Variants in NHEJ1 observed in about 807,000 individuals in gnomAD.
NHEJ1 encodes the protein non-homologous end-joining factor 1.
NHEJ1 carries 22 observed loss-of-function variants against 39.4 expected under a neutral mutation model. The ratio of observed to expected loss-of-function variants is 0.56; its 90% CI spans 0.40 to 0.80. The LOEUF is 0.80. NHEJ1 is among the 30% of genes least tolerant of loss of function. The pLI is 0.00. For synonymous variants in NHEJ1, 154 were observed against 135.6 expected, an observed-to-expected ratio of 1.14 and a Z score of -0.94; for missense variants, 329 against 357.1, an observed-to-expected ratio of 0.92 and a Z score of 0.63.
rs1409326227 is a variant in NHEJ1 at position 219,159,516 on chromosome 2, TATATATATGC to T, written c.1-1164_1-1155del. The stretch of plus-strand genomic sequence containing the variant: ...CCTTGTGACTTGTGACATAACTTTA[TATATATATGC>T]ATATATATATGCATATATATATATG... On this transcript the variant is annotated intron_variant, in intron 1 of 7. Coordinates refer to ENST00000356853, the MANE Select transcript of NHEJ1 (RefSeq NM_024782.3). Among the ~76,000 whole-genome samples, 376 of 51,804 alleles carry T rather than the reference TATATATATGC, an allele frequency of 7.3e-3. 26 individuals are homozygous for T. The highest frequency in any genetic ancestry group is 0.019 in the African/African-American group (297 of 15,282). 34.0% of individuals were successfully genotyped at this position (51,804 alleles called of 152,430 possible). A position where few individuals can be genotyped will look rare whatever the true frequency, so the allele number is the denominator to read the frequency against.
At chr2:219,160,465 G>A (rs951982393) in intron 1 of NHEJ1, 1 of 152,234 alleles carries the variant, frequency 6.6e-6, no homozygotes, top group Non-Finnish European at 1.5e-5. Context: ...CAACAAAGCC[G>A]GCCACCAGCG....
Position 219,141,400 on chromosome 2 carries a change from G to T in NHEJ1, c.588+5280C>A, listed in dbSNP as rs377297340. Among the ~76,000 whole-genome samples, 130 of 151,250 alleles carry T rather than the reference G, an allele frequency of 8.6e-4. 1 individual carries two copies. Among genetic ancestry groups the T allele is most frequent in the Admixed American group, 1.3e-3 (20 of 15,174 alleles). ...GTCTCAAAAAAAAAAAGCAGGGGGGGAGTGGGGGAAAAGGGAGAGAAAAAT... is the reference window on the plus strand; with the variant it reads ...GTCTCAAAAAAAAAAAGCAGGGGGGTAGTGGGGGAAAAGGGAGAGAAAAAT... On this transcript the variant is annotated intron_variant, in intron 5 of 7. Coordinates refer to ENST00000356853, the MANE Select transcript of NHEJ1 (RefSeq NM_024782.3).
At chr2:219,132,491 C>T (rs72951791) in intron 5 of NHEJ1, among the ~76,000 whole-genome samples, 4,757 of 152,258 alleles carry the variant, frequency 0.031, 109 homozygotes, top group Non-Finnish European at 0.05. Context: ...TAGCTTTACC[C>T]ATATCAAATT....
At chr2:219,159,329 T>C (rs570301560) in intron 1 of NHEJ1, 2 of 152,020 alleles carry the variant, frequency 1.3e-5, no homozygotes, top group African/African-American at 4.8e-5. Context: ...GTGATTGTTT[T>C]TCCTGTGGGG....
intron 5 of NHEJ1, chr2:219,095,323 CG>C (rs1318107196): frequency 2.1e-6 from 1 of 470,902 alleles, no homozygotes. Flanking sequence ...GCCAATATGC[CG>C]GGTCTCCAGT....
At chr2:219,153,781 G>C (rs1307926207) in intron 3 of NHEJ1, among the ~76,000 whole-genome samples, 1 of 150,740 alleles carries the variant, frequency 6.6e-6, no homozygotes, top group African/African-American at 2.4e-5. Context: ...TGCAGACTTA[G>C]AAACCATTAG....
chr2:219,147,583 G>A, intron 4 of NHEJ1, 74 bp downstream of exon 4: 1 of 1,590,358 alleles, frequency 6.3e-7, no homozygotes, highest in Non-Finnish European at 8.6e-7. Flanking sequence ...ATGCAAATGA[G>A]TCTCCCTCTT....
rs1336189969 is a variant in NHEJ1, at chr2:219,069,714, G to C, written c.*6667C>G. The C allele has an allele frequency of 6.6e-6, 1 of 152,172 alleles. No homozygotes were observed. The highest frequency in any genetic ancestry group is 1.5e-5 in the Non-Finnish European group (1 of 68,028). The allele number at this position is 152,172 out of a possible 1,614,324, so 9.4% of individuals were successfully genotyped here. ...AACATTTCAACAGTTAAACCACTTA[G>C]ATAACTAATAGGAAGAATTCACTGG... On this transcript the variant is annotated 3_prime_UTR_variant, in exon 8 of 8. Transcript: ENST00000356853.
chr2:219,110,964 G>A (rs1042895615), intron 5 of NHEJ1, among the ~76,000 whole-genome samples: 10 of 152,118 alleles, frequency 6.6e-5, no homozygotes, highest in African/African-American at 2.4e-4. Flanking sequence ...CAAGCAGAAA[G>A]AACTTAAATA....
At chr2:219,151,007 A>G (rs1161340218) in intron 3 of NHEJ1, among the ~76,000 whole-genome samples, 1 of 151,126 alleles carries the variant, frequency 6.6e-6, no homozygotes, top group East Asian at 1.9e-4. Flanking sequence ...GCATGCCTAT[A>G]TTTTCAGCTA....
chr2:219,124,308 G>A (rs947102869), intron 5 of NHEJ1, among the ~76,000 whole-genome samples: 8 of 152,214 alleles, frequency 5.3e-5, no homozygotes, highest in African/African-American at 1.9e-4. Flanking sequence ...TCAGTTGAAA[G>A]AATGAGTGGA....
intron 3 of NHEJ1, among the ~76,000 whole-genome samples, chr2:219,148,427 C>T (rs1179133803): frequency 6.6e-6 from 1 of 152,136 alleles, no homozygotes; most frequent in Admixed American, 6.6e-5. Flanking sequence ...GGCACAGTAG[C>T]ATGCATCTGT....
chr2:219,135,698 A>C (rs1949620927), intron 5 of NHEJ1, among the ~76,000 whole-genome samples: 1 of 150,542 alleles, frequency 6.6e-6, no homozygotes, highest in Non-Finnish European at 1.5e-5. Flanking sequence ...GATTTAAAGC[A>C]AGTAAGTGTG....
Position 219,076,115 on chromosome 2 carries a change from C to A in NHEJ1, c.*266G>T. 1 of 659,144 alleles carries A rather than the reference C, an allele frequency of 1.5e-6. No individual in the cohort carries two copies. Among genetic ancestry groups the A allele is most frequent in the South Asian group, 2.1e-5 (1 of 47,568 alleles). 40.8% of individuals were successfully genotyped at this position (659,144 alleles called of 1,614,324 possible). A position where few individuals can be genotyped will look rare whatever the true frequency, so the allele number is the denominator to read the frequency against. ...CTTTCTTGCTGACTTGCCCTATATA[C>A]CTAAAGTCCATGGTAGAAACCTGAA... is the stretch of plus-strand genomic sequence containing the variant. On this transcript the variant is annotated 3_prime_UTR_variant, in exon 8 of 8. Transcript: ENST00000356853.
At chr2:219,137,574 AAAAAAAAAAAAAAAAAAAC>A (rs1358014519) in intron 5 of NHEJ1, among the ~76,000 whole-genome samples, 1 of 138,116 alleles carries the variant, frequency 7.2e-6, no homozygotes, top group Admixed American at 7.3e-5. Flanking sequence ...TACAGGCAAA[AAAAAAAAAAAAAAAAAAAC>A]AAAAAAAACT....
intron 5 of NHEJ1, among the ~76,000 whole-genome samples, chr2:219,128,057 T>C (rs1349767457): frequency 6.6e-6 from 1 of 152,244 alleles, no homozygotes; most frequent in Admixed American, 6.5e-5. Context: ...AAGACCTCTA[T>C]ATCCATTAGG....
intron 5 of NHEJ1, among the ~76,000 whole-genome samples, chr2:219,144,533 A>G (rs912237689): frequency 7.2e-5 from 11 of 152,180 alleles, no homozygotes; most frequent in Non-Finnish European, 8.8e-5. Context: ...CTAGAAGATT[A>G]ATAGAAGTTT....
intron 5 of NHEJ1, among the ~76,000 whole-genome samples, chr2:219,144,304 C>A (rs1949716166): frequency 6.6e-6 from 1 of 152,080 alleles, no homozygotes; most frequent in South Asian, 2.1e-4. Context: ...ACGCACAGTG[C>A]TGGGGATATA....
At chr2:219,113,019 T>C (rs921988684) in intron 5 of NHEJ1, among the ~76,000 whole-genome samples, 4 of 152,166 alleles carry the variant, frequency 2.6e-5, no homozygotes, top group Non-Finnish European at 5.9e-5. Context: ...GTATATTGTT[T>C]ATGCTATACA....
Sources: allele counts gnomAD v4.1 joint callset (sites outside exome capture counted in the v4.1 genomes callset), GRCh38; gene constraint gnomAD v4.1.1; transcripts MANE v1.5; gene names NCBI Gene and HGNC (gene_info 2026-07-23, HGNC 2026-07-21).